Variants in RANBP17 observed in about 807,000 individuals in gnomAD.
RANBP17 encodes ran-binding protein 17.
Under a neutral mutation model 141.2 loss-of-function variants are expected in RANBP17, and 158 were observed. That is an observed-to-expected ratio of 1.12 (90% confidence interval 0.98 to 1.28). The LOEUF (loss-of-function observed/expected upper bound fraction) is 1.28. Ranked by LOEUF, RANBP17 falls within the 50% of genes most tolerant of loss-of-function variation. The pLI, the probability that RANBP17 is intolerant of heterozygous loss-of-function variation, is 0.00. For missense variants in RANBP17, 1,438 were observed against 1,290.7 expected (o/e 1.11, Z -1.75); for synonymous variants, 430 against 450.0 (o/e 0.96, Z 0.56).
chr5:171,144,993 G>A (rs1354169272), intron 14 of RANBP17, among the ~76,000 whole-genome samples: 2 of 152,118 alleles, frequency 1.3e-5, no homozygotes, highest in East Asian at 1.9e-4. Flanking sequence ...ATTTCGCTTG[G>A]CTATTTTGTG....
At chr5:171,047,795 A>G (rs1782691602) in intron 14 of RANBP17, among the ~76,000 whole-genome samples, 1 of 152,114 alleles carries the variant, frequency 6.6e-6, no homozygotes, top group African/African-American at 2.4e-5. Context: ...TCTTTGTTGG[A>G]TATGTGATTT....
At chr5:170,967,596 A>T (rs1427529772) in intron 13 of RANBP17, among the ~76,000 whole-genome samples, 1 of 151,248 alleles carries the variant, frequency 6.6e-6, no homozygotes, top group Non-Finnish European at 1.5e-5. Context: ...TCTTCAGTTC[A>T]TTTATAATTT....
chr5:171,209,510 C>T (rs1378040857), intron 20 of RANBP17, among the ~76,000 whole-genome samples: 1 of 151,974 alleles, frequency 6.6e-6, no homozygotes, highest in African/African-American at 2.4e-5. Context: ...AGTTTTATTT[C>T]TGTGCCAGAC....
At chr5:170,911,469 C>T in intron 7 of RANBP17, 2 of 671,816 alleles carry the variant, frequency 3.0e-6, no homozygotes, top group Non-Finnish European at 5.6e-6. Flanking sequence ...TGTTTATGAT[C>T]ATTTTCAGGT....
At chr5:171,213,867 TG>T in intron 21 of RANBP17, 129 bp downstream of exon 21, 1 of 716,336 alleles carries the variant, frequency 1.4e-6, no homozygotes, top group Non-Finnish European at 2.5e-6. Flanking sequence ...AGACTTAAGA[TG>T]ATTAGTGAAA....
chr5:171,277,771 CAGCTAATAAGT>C (rs1370974869), intron 25 of RANBP17, among the ~76,000 whole-genome samples: 3 of 148,278 alleles, frequency 2.0e-5, no homozygotes, highest in African/African-American at 7.4e-5. Context: ...CAGTATCATA[CAGCTAATAAGT>C]AGCAGAACCT....
intron 12 of RANBP17, among the ~76,000 whole-genome samples, chr5:170,950,354 C>G (rs1004529008): frequency 6.6e-6 from 1 of 150,416 alleles, no homozygotes; most frequent in African/African-American, 2.4e-5. Flanking sequence ...ATAGAATATG[C>G]AAGGATCACA....
chr5:170,900,752 T>C (rs1036647087), intron 5 of RANBP17, among the ~76,000 whole-genome samples: 1 of 152,226 alleles, frequency 6.6e-6, no homozygotes, highest in Non-Finnish European at 1.5e-5. Flanking sequence ...TATTTATTTC[T>C]GCCTTAATTT....
At chr5:171,051,584 T>A (rs1782952758) in intron 14 of RANBP17, among the ~76,000 whole-genome samples, 1 of 152,228 alleles carries the variant, frequency 6.6e-6, no homozygotes, top group African/African-American at 2.4e-5. Flanking sequence ...TATGGCTGAA[T>A]ACTATTTAAT....
At chr5:171,041,217 G>A (rs1057168783) in intron 14 of RANBP17, among the ~76,000 whole-genome samples, 2 of 152,026 alleles carry the variant, frequency 1.3e-5, no homozygotes, top group African/African-American at 4.8e-5. Context: ...TGTAAAAATT[G>A]GGGGTCATGT....
At chr5:171,199,991 A>G (rs540592434) in intron 19 of RANBP17, among the ~76,000 whole-genome samples, 135 of 152,324 alleles carry the variant, frequency 8.9e-4, no homozygotes, top group African/African-American at 3.1e-3. Context: ...TCAGTTCATG[A>G]TAAGATGACA....
At chr5:170,994,457 C>T (rs890130948) in intron 14 of RANBP17, among the ~76,000 whole-genome samples, 1 of 151,994 alleles carries the variant, frequency 6.6e-6, no homozygotes, top group Non-Finnish European at 1.5e-5. Flanking sequence ...ATTATCATTG[C>T]TGGATCATAC....
chr5:171,275,304 T>G (rs1767417221), intron 25 of RANBP17, among the ~76,000 whole-genome samples: 1 of 152,232 alleles, frequency 6.6e-6, no homozygotes, highest in South Asian at 2.1e-4. Context: ...TATTCTCCTA[T>G]GTACATAACT....
At chr5:171,285,444 A>G (rs745340490) in intron 25 of RANBP17, among the ~76,000 whole-genome samples, 2 of 152,246 alleles carry the variant, frequency 1.3e-5, no homozygotes, top group East Asian at 3.9e-4. Flanking sequence ...TTGTTCCTCA[A>G]AAATACAGAT....
At chr5:170,958,355 C>G (rs10052835) in intron 13 of RANBP17, among the ~76,000 whole-genome samples, 93,070 of 151,836 alleles carry the variant, frequency 0.61, 29,906 homozygotes, top group South Asian at 0.89. Context: ...ATACATAACT[C>G]CAGAAACTGT....
At chr5:170,959,792 C>T (rs1019783181) in intron 13 of RANBP17, among the ~76,000 whole-genome samples, 1 of 152,166 alleles carries the variant, frequency 6.6e-6, no homozygotes, top group Non-Finnish European at 1.5e-5. Flanking sequence ...ATTTTCTGTT[C>T]ATTAAGTGGA....
At chr5:171,249,239 C>A (rs1477327376) in intron 24 of RANBP17, among the ~76,000 whole-genome samples, 1 of 152,184 alleles carries the variant, frequency 6.6e-6, no homozygotes. Context: ...AGCCAAAGTG[C>A]CCTACCCAAC....
At chr5:171,124,151 A>C (rs2127777775) in intron 14 of RANBP17, among the ~76,000 whole-genome samples, 1 of 152,258 alleles carries the variant, frequency 6.6e-6, no homozygotes, top group African/African-American at 2.4e-5. Flanking sequence ...TGAGAAATTT[A>C]TCAAAAAGAT....
intron 3 of RANBP17, among the ~76,000 whole-genome samples, chr5:170,888,629 A>G (rs761919121): frequency 2.4e-4 from 37 of 152,092 alleles, no homozygotes; most frequent in Non-Finnish European, 4.9e-4. Context: ...TATTTTCTAC[A>G]TATCATGCCA....
Sources: gnomAD v4.1 joint callset for allele counts (sites outside exome capture counted in the v4.1 genomes callset) on GRCh38, gnomAD v4.1.1 for gene constraint, MANE v1.5 for transcripts, NCBI Gene and HGNC (gene_info 2026-07-23, HGNC 2026-07-21) for gene names.